Variants in FMN1 observed in about 807,000 individuals in gnomAD.
The protein encoded by FMN1 is formin 1.
FMN1 carries 110 observed loss-of-function variants against 132.4 expected under a neutral mutation model. The ratio of observed to expected loss-of-function variants is 0.83; its 90% CI spans 0.71 to 0.97. FMN1 has a LOEUF of 0.97. Ranked by LOEUF, FMN1 falls within the 50% of genes least tolerant of loss-of-function variation. FMN1 has a pLI of 0.00. For missense variants in FMN1, 1,792 were observed against 1,705.3 expected (o/e 1.05, Z -0.90); for synonymous variants, 722 against 651.7 (o/e 1.11, Z -1.64).
intron 4 of FMN1, among the ~76,000 whole-genome samples, chr15:33,133,724 C>G (rs1410098464): frequency 1.3e-5 from 2 of 152,126 alleles, no homozygotes; most frequent in Non-Finnish European, 2.9e-5. Context: ...ATTAACGTTT[C>G]TACCCGTTTT....
Position 33,107,842 on chromosome 15 carries a change from G to T in FMN1, c.1868-18868C>A, listed in dbSNP as rs140466148. On this transcript the variant is annotated intron_variant, in intron 4 of 20. Coordinates refer to ENST00000616417, the MANE Select transcript of FMN1 (RefSeq NM_001277313.2). ...TTCTGTATATAGGTGGTACTATGAT[G>T]ATCCCTCTTTGAAGACATTTAAATA... Among the ~76,000 whole-genome samples, 17 of 152,158 alleles carry T rather than the reference G, an allele frequency of 1.1e-4. No homozygotes were observed. In the East Asian group the frequency reaches 3.3e-3, roughly 29 times the overall value.
At chr15:32,795,593 G>GT (rs1241207913) in intron 19 of FMN1, among the ~76,000 whole-genome samples, 1 of 144,700 alleles carries the variant, frequency 6.9e-6, no homozygotes, top group African/African-American at 2.6e-5. Flanking sequence ...TAATGGGGGT[G>GT]GGGGGGTGGC....
intron 6 of FMN1, among the ~76,000 whole-genome samples, chr15:33,020,309 C>T (rs564629200): frequency 6.6e-6 from 1 of 152,234 alleles, no homozygotes; most frequent in East Asian, 1.9e-4. Context: ...GAACTGACTG[C>T]TTGGGAAACC....
At chr15:32,961,195 G>C (rs991154434) in intron 9 of FMN1, among the ~76,000 whole-genome samples, 2 of 151,066 alleles carry the variant, frequency 1.3e-5, no homozygotes, top group African/African-American at 2.4e-5. Context: ...GTGCAATGCG[G>C]CAATCTCAGC....
chr15:32,827,589 G>A (rs1451890503), intron 17 of FMN1, among the ~76,000 whole-genome samples: 2 of 152,192 alleles, frequency 1.3e-5, no homozygotes, highest in Non-Finnish European at 2.9e-5. Flanking sequence ...GGTGGCTCAT[G>A]CCTGTAATCC....
chr15:32,967,411 T>C lies in FMN1; in HGVS notation c.2987+1303A>G, dbSNP rs149358421. 1.5e-3 allele frequency among the ~76,000 whole-genome samples: 234 copies of C among 152,346 alleles called. 1 individual carries two copies. Among genetic ancestry groups the C allele is most frequent in the Middle Eastern group, 0.014 (4 of 294 alleles). ...TCCAGGGCTTACAGGTGGGAGCTAT[T>C]GCCCTGGAATGGCTGTGCACTAATT... On this transcript the variant is annotated intron_variant, in intron 8 of 20. Coordinates refer to ENST00000616417, the MANE Select transcript of FMN1 (RefSeq NM_001277313.2).
intron 9 of FMN1, among the ~76,000 whole-genome samples, chr15:32,926,957 A>C (rs932386089): frequency 2.0e-5 from 3 of 151,978 alleles, no homozygotes; most frequent in African/African-American, 7.2e-5. Flanking sequence ...GCTAATTTTT[A>C]AATTTTTTTA....
intron 6 of FMN1, among the ~76,000 whole-genome samples, chr15:33,043,720 G>A (rs2036548010): frequency 6.6e-6 from 1 of 152,232 alleles, no homozygotes; most frequent in Non-Finnish European, 1.5e-5. Flanking sequence ...TGCAGTTGGG[G>A]AGGCATGGCC....
At chr15:33,091,603 T>A (rs2038905317) in intron 4 of FMN1, among the ~76,000 whole-genome samples, 1 of 152,168 alleles carries the variant, frequency 6.6e-6, no homozygotes, top group African/African-American at 2.4e-5. Flanking sequence ...CATAAAACCA[T>A]TATTCTCAAA....
intron 17 of FMN1, among the ~76,000 whole-genome samples, chr15:32,839,441 C>G (rs762901972): frequency 6.6e-6 from 1 of 152,034 alleles, no homozygotes; most frequent in Non-Finnish European, 1.5e-5. Context: ...CTGCTTGTCT[C>G]GTAGACTGGA....
intron 7 of FMN1, among the ~76,000 whole-genome samples, chr15:32,972,107 C>T (rs1809366): frequency 0.81 from 123,905 of 152,092 alleles, 50,651 homozygotes; most frequent in East Asian, 0.97. Context: ...AATTAATATA[C>T]GTAAAAGAAA....
intron 6 of FMN1, among the ~76,000 whole-genome samples, chr15:33,017,481 T>C (rs35558055): frequency 6.6e-6 from 1 of 152,002 alleles, no homozygotes; most frequent in Non-Finnish European, 1.5e-5. Flanking sequence ...ATAGTTGATT[T>C]TTTTTTTCAA....
intron 16 of FMN1, 32 bp from the exon 17 acceptor site, chr15:32,857,139 AAC>A: frequency 6.4e-7 from 1 of 1,556,914 alleles, no homozygotes; most frequent in Non-Finnish European, 8.9e-7. Flanking sequence ...TAGACTTAGG[AAC>A]ACAGATTTGC....
chr15:32,884,338 C>T (rs201047304), intron 16 of FMN1, among the ~76,000 whole-genome samples: 13 of 152,270 alleles, frequency 8.5e-5, no homozygotes, highest in African/African-American at 3.1e-4. Context: ...CCTTGGCTCA[C>T]GGCCCACTTC....
At chr15:33,120,377 G>A (rs1416111319) in intron 4 of FMN1, among the ~76,000 whole-genome samples, 2 of 152,194 alleles carry the variant, frequency 1.3e-5, no homozygotes, top group Non-Finnish European at 1.5e-5. Flanking sequence ...AATGGATTAG[G>A]TTACCAGTTG....
At chr15:32,790,477 G>A (rs2057036944) in intron 19 of FMN1, among the ~76,000 whole-genome samples, 2 of 152,158 alleles carry the variant, frequency 1.3e-5, no homozygotes, top group African/African-American at 2.4e-5. Context: ...TTCTTGCTCT[G>A]CCATCTCTGT....
intron 15 of FMN1, among the ~76,000 whole-genome samples, chr15:32,895,747 T>C (rs980085150): frequency 1.1e-5 from 1 of 93,930 alleles, no homozygotes; most frequent in Non-Finnish European, 2.0e-5. Flanking sequence ...GAAAGTTTTT[T>C]TTCTTGTTAA....
At chr15:33,151,393 A>G (rs1349615766) in intron 4 of FMN1, 2 of 1,536,580 alleles carry the variant, frequency 1.3e-6, no homozygotes, top group Non-Finnish European at 8.7e-7. Context: ...AGGCCAAAGT[A>G]AAGGGAATGT....
intron 5 of FMN1, among the ~76,000 whole-genome samples, chr15:33,075,520 G>A (rs2038174665): frequency 6.6e-6 from 1 of 152,160 alleles, no homozygotes; most frequent in South Asian, 2.1e-4. Context: ...CAGGGCCAGT[G>A]TTTTCTGGAT....
Sources: gnomAD v4.1 joint callset for allele counts (sites outside exome capture counted in the v4.1 genomes callset) on GRCh38, gnomAD v4.1.1 for gene constraint, MANE v1.5 for transcripts, NCBI Gene and HGNC (gene_info 2026-07-23, HGNC 2026-07-21) for gene names.